The following MARCHF3 variants were observed in gnomAD, a reference collection of about 807,000 sequenced individuals.
MARCHF3 encodes the protein membrane associated ring-CH-type finger 3, also known as E3 ubiquitin-protein ligase MARCHF3.
Under a neutral mutation model 24.2 loss-of-function variants are expected in MARCHF3, and 13 were observed. That is an observed-to-expected ratio of 0.54 (90% CI 0.35 to 0.85). The LOEUF (loss-of-function observed/expected upper bound fraction) is 0.85, where lower values mean the gene tolerates loss of function less well. Ranked by LOEUF, MARCHF3 falls within the 40% of genes least tolerant of loss-of-function variation. The pLI, the probability that MARCHF3 is intolerant of heterozygous loss-of-function variation, is 0.01. For missense variants in MARCHF3, 276 were observed against 325.0 expected, an observed-to-expected ratio of 0.85 and a Z score of 1.16; for synonymous variants, 144 against 137.3, an observed-to-expected ratio of 1.05 and a Z score of -0.34.
intron 1 of MARCHF3, among the ~76,000 whole-genome samples, chr5:126,943,381 C>G (rs1171826095): frequency 6.6e-6 from 1 of 151,906 alleles, no homozygotes; most frequent in Non-Finnish European, 1.5e-5. Context: ...AGATTGAGAC[C>G]AGCTTGGGAA....
chr5:126,997,269 G>C (rs1437906678), intron 1 of MARCHF3, among the ~76,000 whole-genome samples: 1 of 152,152 alleles, frequency 6.6e-6, no homozygotes, highest in Non-Finnish European at 1.5e-5. Context: ...TTAATACAAA[G>C]AGAAAGGTAA....
intron 1 of MARCHF3, among the ~76,000 whole-genome samples, chr5:127,028,532 A>G (rs1475350719): frequency 6.6e-6 from 1 of 152,076 alleles, no homozygotes; most frequent in African/African-American, 2.4e-5. Context: ...AGCCTCTGCA[A>G]TAAAGCTCTG....
At chr5:126,908,223 A>G (rs1456875321) in intron 3 of MARCHF3, among the ~76,000 whole-genome samples, 3 of 151,956 alleles carry the variant, frequency 2.0e-5, no homozygotes, top group Non-Finnish European at 2.9e-5. Context: ...TTTGAGGGTA[A>G]CCCGCCCTTT....
chr5:126,969,947 T>G (rs1322315746), intron 1 of MARCHF3, among the ~76,000 whole-genome samples: 1 of 152,184 alleles, frequency 6.6e-6, no homozygotes, highest in Non-Finnish European at 1.5e-5. Flanking sequence ...TAGGTGACTC[T>G]CCTTGGGGAT....
At chr5:126,912,248 G>A in intron 3 of MARCHF3, among the ~76,000 whole-genome samples, 1 of 152,202 alleles carries the variant, frequency 6.6e-6, no homozygotes, top group East Asian at 1.9e-4. Flanking sequence ...GCATGAAGGG[G>A]GATGAACAGT....
chr5:127,022,433 G>A (rs1288357737), intron 1 of MARCHF3, among the ~76,000 whole-genome samples: 1 of 152,208 alleles, frequency 6.6e-6, no homozygotes, highest in Non-Finnish European at 1.5e-5. Flanking sequence ...TAAGGAGTAA[G>A]TTGAAATTAG....
chr5:126,885,411 T>A (rs1044768005), intron 3 of MARCHF3, among the ~76,000 whole-genome samples: 2 of 151,796 alleles, frequency 1.3e-5, no homozygotes, highest in Non-Finnish European at 2.9e-5. Context: ...CTACTAAAAA[T>A]ACAAAATGAT....
intron 1 of MARCHF3, among the ~76,000 whole-genome samples, chr5:126,951,716 T>A (rs551100639): frequency 6.6e-6 from 1 of 152,348 alleles, no homozygotes; most frequent in South Asian, 2.1e-4. Flanking sequence ...TGCTTTTGGG[T>A]GATGTTTCAT....
intron 1 of MARCHF3, among the ~76,000 whole-genome samples, chr5:127,011,466 T>C (rs1277828508): frequency 6.6e-6 from 1 of 152,222 alleles, no homozygotes; most frequent in African/African-American, 2.4e-5. Context: ...AATGAGGTAT[T>C]GTCTCTCATT....
intron 1 of MARCHF3, among the ~76,000 whole-genome samples, chr5:127,000,530 G>A (rs1173504885): frequency 6.6e-6 from 1 of 152,092 alleles, no homozygotes; most frequent in Non-Finnish European, 1.5e-5. Flanking sequence ...ACCAGATGCT[G>A]CTGAAACAAT....
chr5:126,973,950 T>A (rs937203860), intron 1 of MARCHF3, among the ~76,000 whole-genome samples: 5 of 142,480 alleles, frequency 3.5e-5, no homozygotes, highest in African/African-American at 1.0e-4. Context: ...GACTGCGGAC[T>A]GCAGTGGCAC....
At chr5:126,984,355 G>A (rs1751491325) in intron 1 of MARCHF3, among the ~76,000 whole-genome samples, 1 of 152,152 alleles carries the variant, frequency 6.6e-6, no homozygotes. Flanking sequence ...AGCAGGACAG[G>A]GGGATGTGGA....
chr5:126,917,359 C>T (rs990676620), intron 2 of MARCHF3, among the ~76,000 whole-genome samples: 10 of 152,278 alleles, frequency 6.6e-5, no homozygotes, highest in Non-Finnish European at 7.4e-5. Context: ...AGCCTGCACT[C>T]GGGCTTTAGT....
In MARCHF3 at chr5:126,870,939, C is replaced by T. The variant is rs1403015145; in HGVS notation, c.604-148G>A. 15 of 1,119,092 alleles carry T rather than the reference C, an allele frequency of 1.3e-5. No individual in the cohort carries two copies. The East Asian group carries it at 3.1e-4, about 23-fold the overall frequency. The allele number at this position is 1,119,092 out of a possible 1,614,324, so 69.3% of individuals were successfully genotyped here. ...AAGAACCCTGGGAAAATGGCTCTGG[C>T]ACGCAGTGAGTGTTGAGAGATTGGG... On this transcript the variant is annotated intron_variant, in intron 4 of 4. Transcript: ENST00000308660.
At chr5:126,912,268 C>T (rs189270001) in intron 3 of MARCHF3, among the ~76,000 whole-genome samples, 26 of 152,224 alleles carry the variant, frequency 1.7e-4, no homozygotes, top group Non-Finnish European at 2.8e-4. Flanking sequence ...TTATGCAGAA[C>T]GAAGGACTGA....
intron 1 of MARCHF3, among the ~76,000 whole-genome samples, chr5:126,937,206 C>T (rs1238428731): frequency 6.6e-6 from 1 of 152,240 alleles, no homozygotes; most frequent in Admixed American, 6.5e-5. Flanking sequence ...CTGAACCCTT[C>T]AGTGGTCCTT....
chr5:126,930,016 C>T (rs571262328), intron 1 of MARCHF3, among the ~76,000 whole-genome samples: 1 of 152,202 alleles, frequency 6.6e-6, no homozygotes, highest in African/African-American at 2.4e-5. Flanking sequence ...ATAAATTACC[C>T]AGCCTCAGGT....
chr5:126,914,361 G>A (rs566209532), intron 3 of MARCHF3, among the ~76,000 whole-genome samples: 13 of 152,140 alleles, frequency 8.5e-5, no homozygotes, highest in East Asian at 1.9e-4. Context: ...CATTCAAACC[G>A]TTGCATATGT....
At chr5:126,940,174 G>A (rs948694384) in intron 1 of MARCHF3, among the ~76,000 whole-genome samples, 24 of 152,116 alleles carry the variant, frequency 1.6e-4, no homozygotes, top group African/African-American at 5.8e-4. Flanking sequence ...TTCACCACAG[G>A]GCTGTGTGTC....
Sources: allele counts gnomAD v4.1 joint callset (sites outside exome capture counted in the v4.1 genomes callset), GRCh38; gene constraint gnomAD v4.1.1; transcripts MANE v1.5; gene names NCBI Gene and HGNC (gene_info 2026-07-23, HGNC 2026-07-21).